Variants in GSAP observed in about 807,000 individuals in gnomAD.
GSAP encodes the protein gamma-secretase activating protein.
A neutral mutation model predicts 131.7 loss-of-function variants in GSAP; 118 were observed. The observed-to-expected ratio is 0.90, with a 90% CI of 0.77 to 1.04. The LOEUF is 1.04. Ranked by LOEUF, GSAP falls within the 50% of genes least tolerant of loss-of-function variation. GSAP has a pLI of 0.00. For missense variants in GSAP, 1,019 were observed against 1,013.2 expected (o/e 1.01, Z -0.08); for synonymous variants, 381 against 363.4 (o/e 1.05, Z -0.55).
rs57095326 is a variant in GSAP, at chr7:77,414,844, C to CTTTTTTTTTTTTTTT, written c.109+1354_109+1368dup. On this transcript the variant is annotated intron_variant, in intron 1 of 30. Transcript: ENST00000257626. ...AAAAACTTTTCAGACATGTGGGCGA[C>CTTTTTTTTTTTTTTT]TTTTTTTTTTTTTTTTTTTTTTTTT... Among the ~76,000 whole-genome samples the CTTTTTTTTTTTTTTT allele has an allele frequency of 9.5e-4, 57 of 59,872 alleles. 10 individuals carry two copies. Among genetic ancestry groups the CTTTTTTTTTTTTTTT allele is most frequent in the East Asian group, 2.8e-3 (4 of 1,454 alleles). The allele number at this position is 59,872 out of a possible 152,430, so 39.3% of individuals were successfully genotyped here.
chr7:77,321,994 CTT>C (rs1161452430), intron 24 of GSAP, among the ~76,000 whole-genome samples: 1 of 152,184 alleles, frequency 6.6e-6, no homozygotes, highest in African/African-American at 2.4e-5. Context: ...AGGTAGCCTT[CTT>C]TGTCTTAGAG....
intron 1 of GSAP, among the ~76,000 whole-genome samples, chr7:77,406,906 G>A (rs578050422): frequency 6.6e-5 from 10 of 152,320 alleles, no homozygotes; most frequent in South Asian, 2.1e-4. Flanking sequence ...CTGCTAAGGC[G>A]GTTTTGGTGG....
chr7:77,372,686 A>G (rs909566749), intron 12 of GSAP, among the ~76,000 whole-genome samples: 1 of 152,272 alleles, frequency 6.6e-6, no homozygotes, highest in Admixed American at 6.5e-5. Context: ...GATGTTCATT[A>G]CATTTTTGAA....
intron 19 of GSAP, among the ~76,000 whole-genome samples, chr7:77,337,455 G>A (rs1790203519): frequency 6.6e-6 from 1 of 152,124 alleles, no homozygotes; most frequent in Admixed American, 6.5e-5. Context: ...GATTACAGGT[G>A]TGAGCCACCG....
intron 5 of GSAP, among the ~76,000 whole-genome samples, chr7:77,388,436 C>T (rs766128888): frequency 6.6e-6 from 1 of 151,742 alleles, no homozygotes; most frequent in Non-Finnish European, 1.5e-5. Flanking sequence ...TAATGACCCA[C>T]TTACTTCTTC....
chr7:77,382,702 C>T (rs1797983550), intron 6 of GSAP, 59 bp from the exon 7 acceptor site: 1 of 942,778 alleles, frequency 1.1e-6, no homozygotes, highest in East Asian at 2.4e-5. Flanking sequence ...CAAGTATTTC[C>T]AAAGTTGTGT....
rs768370820 is a variant in GSAP, at chr7:77,411,255, A to G, written c.109+4958T>C. ...CCACTTCCCTGGCAAAGATTACAAT[A>G]TTTGAAAGACAAGTCAATCTGGTGT... is the stretch of plus-strand genomic sequence containing the variant. On this transcript the variant is annotated intron_variant, in intron 1 of 30. Transcript: ENST00000257626. Among the ~76,000 whole-genome samples, 37 of 152,348 alleles carry G rather than the reference A, an allele frequency of 2.4e-4. No homozygotes were observed. The Middle Eastern group carries it at 0.014, about 56-fold the overall frequency.
chr7:77,342,501 G>A (rs747260969), intron 19 of GSAP, among the ~76,000 whole-genome samples: 5 of 151,686 alleles, frequency 3.3e-5, no homozygotes, highest in Non-Finnish European at 7.4e-5. Context: ...ACTATTCCTA[G>A]GTTACAGCCA....
intron 5 of GSAP, among the ~76,000 whole-genome samples, chr7:77,392,106 T>G (rs2151101317): frequency 6.6e-6 from 1 of 151,768 alleles, no homozygotes; most frequent in South Asian, 2.1e-4. Flanking sequence ...ATGCCTGCGG[T>G]GCTGGCTACT....
At chr7:77,314,650 A>T in intron 26 of GSAP, 161 bp from the exon 27 acceptor site, 1 of 662,944 alleles carries the variant, frequency 1.5e-6, no homozygotes, top group Middle Eastern at 3.0e-4. Context: ...TCTCTGTATT[A>T]TTCGTAACTA....
chr7:77,401,278 TC>T (rs536064694), intron 3 of GSAP, among the ~76,000 whole-genome samples: 7 of 150,588 alleles, frequency 4.6e-5, no homozygotes, highest in Admixed American at 4.6e-4. Context: ...TCCAAACAAA[TC>T]CACACCAAGA....
At chr7:77,336,432 A>C (rs1584331145) in intron 19 of GSAP, among the ~76,000 whole-genome samples, 1 of 152,114 alleles carries the variant, frequency 6.6e-6, no homozygotes, top group Admixed American at 6.5e-5. Flanking sequence ...GGCTGAAGAC[A>C]CCTCCATTGC....
intron 19 of GSAP, among the ~76,000 whole-genome samples, chr7:77,339,043 G>T (rs1270298938): frequency 6.6e-6 from 1 of 152,096 alleles, no homozygotes; most frequent in Non-Finnish European, 1.5e-5. Context: ...AAATGTGGAA[G>T]CAAGCACACA....
chr7:77,319,909 G>T (rs1477691221), intron 26 of GSAP, among the ~76,000 whole-genome samples: 1 of 152,174 alleles, frequency 6.6e-6, no homozygotes, highest in Non-Finnish European at 1.5e-5. Context: ...TGTTCAATGG[G>T]TATAAAGTTT....
intron 1 of GSAP, among the ~76,000 whole-genome samples, chr7:77,408,435 A>G (rs1583940463): frequency 6.6e-6 from 1 of 152,190 alleles, no homozygotes; most frequent in South Asian, 2.1e-4. Flanking sequence ...ACAGTGGCTC[A>G]CGCCTGTAAT....
intron 13 of GSAP, among the ~76,000 whole-genome samples, 167 bp from the exon 14 acceptor site, chr7:77,361,068 T>C (rs1054398461): frequency 3.5e-4 from 54 of 152,184 alleles, no homozygotes; most frequent in African/African-American, 1.2e-3. Flanking sequence ...AAAACCAGCA[T>C]TGAAGGCAGA....
chr7:77,373,894 TACAG>T (rs1431291058), intron 12 of GSAP, among the ~76,000 whole-genome samples, 172 bp downstream of exon 12: 4 of 152,218 alleles, frequency 2.6e-5, no homozygotes, highest in Non-Finnish European at 4.4e-5. Context: ...GCTTCCTCAA[TACAG>T]ACAGTGTATA....
rs188475218 is a variant in GSAP at position 77,317,632 on chromosome 7, C to T, written c.2089+3093G>A. The stretch of plus-strand genomic sequence containing the variant: ...ATGGATAACATCTTTGTTTTCCCTC[C>T]TTATCACTGTGAAGGAATGTGAGTT... On this transcript the variant is annotated intron_variant, in intron 26 of 30. Coordinates refer to ENST00000257626, the MANE Select transcript of GSAP (RefSeq NM_017439.4). Among the ~76,000 whole-genome samples the T allele has an allele frequency of 1.7e-3, 263 of 152,272 alleles. 1 individual carries two copies. The highest frequency in any genetic ancestry group is 5.9e-3 in the African/African-American group (245 of 41,546).
chr7:77,381,166 A>T, intron 8 of GSAP, 139 bp downstream of exon 8: 1 of 455,182 alleles, frequency 2.2e-6, no homozygotes, highest in Non-Finnish European at 3.9e-6. Flanking sequence ...TCACACATTA[A>T]AACAGCAAGT....
Sources: allele counts gnomAD v4.1 joint callset (sites outside exome capture counted in the v4.1 genomes callset), GRCh38; gene constraint gnomAD v4.1.1; transcripts MANE v1.5; gene names NCBI Gene and HGNC (gene_info 2026-07-23, HGNC 2026-07-21).